ST6GALNAC3: variants seen among roughly 807,000 people sequenced by gnomAD.
ST6GALNAC3 encodes ST6 N-acetylgalactosaminide alpha-2,6-sialyltransferase 3, also known as alpha-N-acetylgalactosaminide alpha-2,6-sialyltransferase 3.
Under a neutral mutation model 32.7 loss-of-function variants are expected in ST6GALNAC3, and 25 were observed. The observed-to-expected ratio is 0.76, with a 90% CI of 0.56 to 1.07. The LOEUF is 1.07. Ranked by LOEUF, ST6GALNAC3 falls within the 50% of genes least tolerant of loss-of-function variation. ST6GALNAC3 has a pLI of 0.00. For synonymous variants in ST6GALNAC3, 129 were observed against 133.1 expected, an observed-to-expected ratio of 0.97 and a Z score of 0.21; for missense variants, 355 against 382.4, an observed-to-expected ratio of 0.93 and a Z score of 0.60.
intron 1 of ST6GALNAC3, among the ~76,000 whole-genome samples, chr1:76,105,181 C>A (rs1274576616): frequency 6.8e-6 from 1 of 147,768 alleles, no homozygotes; most frequent in Non-Finnish European, 1.5e-5. Flanking sequence ...ATTCCCCCAT[C>A]ACTCAAATGC....
chr1:76,495,698 A>G (rs1660808990), intron 3 of ST6GALNAC3, among the ~76,000 whole-genome samples: 1 of 152,210 alleles, frequency 6.6e-6, no homozygotes, highest in African/African-American at 2.4e-5. Flanking sequence ...GGTAAAATAA[A>G]GTCAACTCGA....
At chr1:76,542,131 T>G (rs989398189) in intron 3 of ST6GALNAC3, among the ~76,000 whole-genome samples, 1 of 152,128 alleles carries the variant, frequency 6.6e-6, no homozygotes, top group Admixed American at 6.6e-5. Context: ...CCCACAGAAG[T>G]TTCTTAGACT....
intron 1 of ST6GALNAC3, among the ~76,000 whole-genome samples, chr1:76,303,955 C>T (rs1026610411): frequency 1.3e-5 from 2 of 151,652 alleles, no homozygotes; most frequent in African/African-American, 2.4e-5. Context: ...CACCCTAACC[C>T]TCTCCCTCAC....
chr1:76,191,423 A>G (rs1192640245), intron 1 of ST6GALNAC3, among the ~76,000 whole-genome samples: 1 of 152,190 alleles, frequency 6.6e-6, no homozygotes, highest in Admixed American at 6.5e-5. Context: ...GTACAAAGTT[A>G]CAATTAGGAA....
intron 3 of ST6GALNAC3, among the ~76,000 whole-genome samples, chr1:76,495,095 A>T (rs1660770458): frequency 1.3e-5 from 2 of 152,134 alleles, no homozygotes. Flanking sequence ...TGCTTTACTC[A>T]GTCTACTGAT....
At chr1:76,138,121 C>G (rs1191517772) in intron 1 of ST6GALNAC3, among the ~76,000 whole-genome samples, 1 of 152,190 alleles carries the variant, frequency 6.6e-6, no homozygotes, top group Non-Finnish European at 1.5e-5. Context: ...TCTCAAAGAC[C>G]TAACAGTCTA....
intron 1 of ST6GALNAC3, among the ~76,000 whole-genome samples, chr1:76,273,800 C>T (rs768609756): frequency 2.8e-4 from 43 of 152,162 alleles, no homozygotes; most frequent in African/African-American, 8.7e-4. Flanking sequence ...AATATCCGCT[C>T]GTAAGATGTA....
At position 76,362,834 on chromosome 1, in the gene ST6GALNAC3, G is replaced by A. The variant is rs562085760; in HGVS notation, c.213+48835G>A. Among the ~76,000 whole-genome samples the A allele has an allele frequency of 1.7e-4, 26 of 152,322 alleles. No homozygotes were observed. In the South Asian group the frequency reaches 2.5e-3, roughly 15 times the overall value. On this transcript the variant is annotated intron_variant, in intron 2 of 4. Coordinates refer to ENST00000328299, the MANE Select transcript of ST6GALNAC3 (RefSeq NM_152996.4). The stretch of plus-strand genomic sequence containing the variant: ...TGGCTTTGCAGGGTTCAGCCCCCAT[G>A]GCTGCTCTCTTGGGCCAGTGCTGAG...
At chr1:76,612,547 A>G (rs996721175) in intron 3 of ST6GALNAC3, among the ~76,000 whole-genome samples, 1 of 152,146 alleles carries the variant, frequency 6.6e-6, no homozygotes, top group Admixed American at 6.5e-5. Context: ...ACTCTCTAAC[A>G]TATTCTTTGG....
At chr1:76,482,139 TACACACACACACAC>T in intron 3 of ST6GALNAC3, among the ~76,000 whole-genome samples, 1 of 147,126 alleles carries the variant, frequency 6.8e-6, no homozygotes, top group Non-Finnish European at 1.5e-5. Flanking sequence ...AAATTTTCTT[TACACACACACACAC>T]ACACACACAC....
chr1:76,577,443 C>T lies in ST6GALNAC3; in HGVS notation c.624-50009C>T, dbSNP rs151210484. ...CTTGGCTCACTAATTCATGCCATGCCGCTCAAAATTAAAGCATTAAAATTT... is the reference window on the plus strand; with the variant it reads ...CTTGGCTCACTAATTCATGCCATGCTGCTCAAAATTAAAGCATTAAAATTT... On this transcript the variant is annotated intron_variant, in intron 3 of 4. Coordinates refer to ENST00000328299, the MANE Select transcript of ST6GALNAC3 (RefSeq NM_152996.4). 5 of 360,366 alleles carry T rather than the reference C, an allele frequency of 1.4e-5. No homozygotes were observed. In the East Asian group the frequency reaches 5.0e-4, roughly 36 times the overall value. 22.3% of individuals were successfully genotyped at this position (360,366 alleles called of 1,614,324 possible).
In ST6GALNAC3 at chr1:76,629,031, C is replaced by T. The variant is rs1181845169; in HGVS notation, c.*225C>T. ...TGTTCTTTCTGGAGGTTCAACACTA[C>T]GTACCGCACTTTATAATTTAACTGG... On this transcript the variant is annotated 3_prime_UTR_variant, in exon 5 of 5. Transcript: ENST00000328299. 1.8e-5 allele frequency: 23 copies of T among 1,301,386 alleles called. No homozygotes were observed. In the South Asian group the frequency reaches 2.3e-4, roughly 13 times the overall value. The allele number at this position is 1,301,386 out of a possible 1,614,324, so 80.6% of individuals were successfully genotyped here.
chr1:76,133,553 C>G lies in ST6GALNAC3; in HGVS notation c.18+58669C>G, dbSNP rs112329755. 9.4e-3 allele frequency among the ~76,000 whole-genome samples: 1,435 copies of G among 152,334 alleles called. 19 individuals are homozygous for G. The highest frequency in any genetic ancestry group is 0.033 in the African/African-American group (1,383 of 41,578). Reference sequence around the variant, plus strand: ...AGATTTGGTAAATCTCATTTGTCCACCTATATCCAGAGAGTGGCCAAAATT... The same window carrying G: ...AGATTTGGTAAATCTCATTTGTCCAGCTATATCCAGAGAGTGGCCAAAATT... On this transcript the variant is annotated intron_variant, in intron 1 of 4. Coordinates refer to ENST00000328299, the MANE Select transcript of ST6GALNAC3 (RefSeq NM_152996.4).
chr1:76,343,623 C>T (rs925777685), intron 2 of ST6GALNAC3, among the ~76,000 whole-genome samples: 9 of 152,202 alleles, frequency 5.9e-5, no homozygotes, highest in Admixed American at 1.3e-4. Context: ...GCAGCTTCCT[C>T]TGTCCCCAAG....
chr1:76,293,810 G>A (rs1226685540), intron 1 of ST6GALNAC3, among the ~76,000 whole-genome samples: 2 of 152,090 alleles, frequency 1.3e-5, no homozygotes, highest in Non-Finnish European at 2.9e-5. Context: ...CTTTAAAACA[G>A]GCTATATTGA....
intron 1 of ST6GALNAC3, among the ~76,000 whole-genome samples, chr1:76,223,445 C>T (rs66973173): frequency 6.6e-6 from 1 of 152,140 alleles, no homozygotes; most frequent in South Asian, 2.1e-4. Context: ...AACTACCTAT[C>T]AGGTGCCATT....
intron 1 of ST6GALNAC3, among the ~76,000 whole-genome samples, chr1:76,262,382 A>C (rs1658290298): frequency 6.6e-6 from 1 of 152,240 alleles, no homozygotes; most frequent in Admixed American, 6.5e-5. Flanking sequence ...GACTCTGTTC[A>C]TATGGAAAGT....
chr1:76,106,369 G>T (rs1315548144), intron 1 of ST6GALNAC3, among the ~76,000 whole-genome samples: 1 of 152,156 alleles, frequency 6.6e-6, no homozygotes, highest in Non-Finnish European at 1.5e-5. Context: ...GTGCAAGAGG[G>T]GCTGACAGAA....
At chr1:76,092,604 G>A (rs532822799) in intron 1 of ST6GALNAC3, among the ~76,000 whole-genome samples, 2 of 152,310 alleles carry the variant, frequency 1.3e-5, no homozygotes, top group East Asian at 1.9e-4. Flanking sequence ...GGATGGCTTC[G>A]TGGCATGTGA....
Sources: allele counts gnomAD v4.1 joint callset (sites outside exome capture counted in the v4.1 genomes callset), GRCh38; gene constraint gnomAD v4.1.1; transcripts MANE v1.5; gene names NCBI Gene and HGNC (gene_info 2026-07-23, HGNC 2026-07-21).